Variants in COIL observed in about 807,000 individuals in gnomAD.
The protein encoded by COIL is coilin.
In COIL, 28 loss-of-function variants were observed where a neutral mutation model predicts 51.6. That is an observed-to-expected ratio of 0.54 (90% CI 0.40 to 0.74). COIL has a LOEUF of 0.74. COIL is among the 30% of genes least tolerant of loss of function. The pLI is 0.00. For synonymous variants in COIL, 233 were observed against 255.8 expected (o/e 0.91, Z 0.85); for missense variants, 667 against 685.9 (o/e 0.97, Z 0.31).
At chr17:56,939,231 T>C in intron 6 of COIL, 77 bp from the exon 7 acceptor site, 3 of 811,698 alleles carry the variant, frequency 3.7e-6, no homozygotes, top group Non-Finnish European at 6.4e-6. Context: ...ACGTAAATTT[T>C]CCGTCTGTGT....
rs531949042 is a variant in COIL at position 56,960,888 on chromosome 17, G to A, written c.132C>T (p.Leu44=). The A allele has an allele frequency of 1.7e-5, 27 of 1,614,096 alleles. No individual in the cohort carries two copies. Among genetic ancestry groups the A allele is most frequent in the Non-Finnish European group, 2.3e-5 (27 of 1,180,016 alleles). Residue 44 remains leucine, a synonymous_variant, in exon 1 of 7, where the codon CTC becomes CTT. Coordinates refer to ENST00000240316, the MANE Select transcript of COIL (RefSeq NM_004645.3). ...AACTGAAGCCGAAGCGCTGGCGGAT[G>A]AGACTAATGAGATCTGTGACGACTC... ...RCRVVTDLIS[L]IRQRFGFSSG...
intron 1 of COIL, among the ~76,000 whole-genome samples, chr17:56,951,235 A>G (rs1022676505): frequency 3.9e-5 from 6 of 152,230 alleles, no homozygotes; most frequent in African/African-American, 1.4e-4. Context: ...AAACATTTTT[A>G]ATACGTTTTT....
Position 56,950,735 on chromosome 17 carries a change from G to T in COIL, c.507C>A (p.Thr169=). 1 of 1,613,904 alleles carries T rather than the reference G, an allele frequency of 6.2e-7. No individual in the cohort carries two copies. The highest frequency in any genetic ancestry group is 8.5e-7 in the Non-Finnish European group (1 of 1,180,008). Residue 169 remains threonine (T), a synonymous_variant, in exon 2 of 7, where the codon ACC becomes ACA. Coordinates refer to ENST00000240316, the MANE Select transcript of COIL (RefSeq NM_004645.3). ...CGTTATCATCACCCACTGTGCCACA[G>T]GTTGCTTTATTTTTTCTCTTGTTTT... The part of the protein sequence containing the change: ...SKKNKRKNKA[T]CGTVGDDNEE...
Position 56,949,373 on chromosome 17 carries a change from A to G in COIL, c.1488+14T>C, listed in dbSNP as rs770269235. ...TAATACACTGACAACTTACTTTTAA[A>G]TAAACATCCTTACCTTGTAGTCAGA... On this transcript the variant is annotated intron_variant, in intron 4 of 6. Coordinates refer to ENST00000240316, the MANE Select transcript of COIL (RefSeq NM_004645.3). 11 of 1,578,476 alleles carry G rather than the reference A, an allele frequency of 7.0e-6. No homozygotes were observed. The highest frequency in any genetic ancestry group is 9.4e-6 in the Non-Finnish European group (11 of 1,169,198).
At position 56,960,832 on chromosome 17, in the gene COIL, C is replaced by T. The variant is rs1196373220; in HGVS notation, c.188G>A (p.Gly63Glu). The T allele has an allele frequency of 1.3e-5, 21 of 1,603,320 alleles. No individual in the cohort carries two copies. Among genetic ancestry groups the T allele is most frequent in the Non-Finnish European group, 1.7e-5 (20 of 1,175,676 alleles). The change falls in exon 1 of 7, where the codon GGG (glycine) becomes GAG (glutamate). Residue 63 changes from glycine (G) to glutamate (E), a missense_variant. Gly to Glu is a moderately conservative substitution (Grantham distance 98, BLOSUM62 -2). Coordinates refer to ENST00000240316, the MANE Select transcript of COIL (RefSeq NM_004645.3). ...SGAFLGLYLE[G>E]GLLPPAESAR... ...GCTCTCGGCGGGGGGCAAGAGCCCCCCCTCCAGGTAGAGGCCTAGGAAGGC... is the reference window on the plus strand; with the variant it reads ...GCTCTCGGCGGGGGGCAAGAGCCCCTCCTCCAGGTAGAGGCCTAGGAAGGC...
intron 1 of COIL, among the ~76,000 whole-genome samples, chr17:56,955,990 A>T (rs997214628): frequency 6.6e-6 from 1 of 152,242 alleles, no homozygotes; most frequent in Non-Finnish European, 1.5e-5. Context: ...GAGATAGCCC[A>T]TGATAGGTAA....
rs1284372833 is a variant in COIL at position 56,938,965 on chromosome 17, A to C, written c.*106T>G. 1 of 610,552 alleles carries C rather than the reference A, an allele frequency of 1.6e-6. No homozygotes were observed. The highest frequency in any genetic ancestry group is 2.9e-6 in the Non-Finnish European group (1 of 345,586). 37.8% of individuals were successfully genotyped at this position (610,552 alleles called of 1,614,324 possible). A position where few individuals can be genotyped will look rare whatever the true frequency, so the allele number is the denominator to read the frequency against. On this transcript the variant is annotated 3_prime_UTR_variant, in exon 7 of 7. Transcript: ENST00000240316. ...TATGCAGTAAAGTGAAGATAACAAA[A>C]AAATCCATACAACTTCCAAATCCTC...
intron 5 of COIL, among the ~76,000 whole-genome samples, chr17:56,944,160 T>C (rs1327631708): frequency 8.5e-5 from 13 of 152,122 alleles, no homozygotes; most frequent in Admixed American, 8.5e-4. Context: ...GAAGAAAAGT[T>C]CTAAGTGGAT....
rs755534079 is a variant in COIL, at chr17:56,939,092, T to C, written c.1710A>G (p.Thr570=). The change falls in exon 7 of 7, where the codon ACA becomes ACG. Residue 570 remains threonine, a synonymous_variant. Transcript: ENST00000240316. ...PRLIIESPSN[T]SSTEPA ...ATACTCAGGCAGGTTCTGTACTTGA[T>C]GTGTTACTTGGAGATTCAATAATCA... 1 of 1,590,982 alleles carries C rather than the reference T, an allele frequency of 6.3e-7. No individual in the cohort carries two copies. The highest frequency in any genetic ancestry group is 8.6e-7 in the Non-Finnish European group (1 of 1,159,084).
rs747455319 is a variant in COIL at position 56,950,537 on chromosome 17, A to G, written c.705T>C (p.Ser235=). ...GACTCTCTTTTGAGCAAACGCTTACACTACCTTTCCTTTTGGCTTTAACAA... is the reference window on the plus strand; with the variant it reads ...GACTCTCTTTTGAGCAAACGCTTACGCTACCTTTCCTTTTGGCTTTAACAA... The part of the protein sequence containing the change: ...NSLVKAKRKG[S]VSVCSKESPS... Residue 235 remains serine, a synonymous_variant, in exon 2 of 7, where the codon AGT becomes AGC. Transcript: ENST00000240316. The G allele has an allele frequency of 2.5e-6, 4 of 1,614,124 alleles. No homozygotes were observed. Among genetic ancestry groups the G allele is most frequent in the South Asian group, 1.1e-5 (1 of 91,090 alleles).
chr17:56,939,841 T>C (rs1910112460), intron 6 of COIL: 1 of 152,174 alleles, frequency 6.6e-6, no homozygotes, highest in South Asian at 2.1e-4. Context: ...GAGCAGGAGA[T>C]GCAGGGGTTG....
chr17:56,960,270 TCC>T (rs1910563089), intron 1 of COIL, among the ~76,000 whole-genome samples: 1 of 150,562 alleles, frequency 6.6e-6, no homozygotes, highest in Non-Finnish European at 1.5e-5. Flanking sequence ...ACGCCTGCAA[TCC>T]CAGCACTTTG....
At chr17:56,942,990 A>C (rs1241569226) in intron 5 of COIL, among the ~76,000 whole-genome samples, 2 of 152,252 alleles carry the variant, frequency 1.3e-5, no homozygotes, top group Non-Finnish European at 2.9e-5. Context: ...AAATAGTAAA[A>C]TAAATATATT....
intron 5 of COIL, among the ~76,000 whole-genome samples, chr17:56,944,813 C>T (rs1378051184): frequency 1.3e-5 from 2 of 149,738 alleles, no homozygotes; most frequent in South Asian, 4.2e-4. Context: ...GTCAGGAGAT[C>T]GAGACCATCC....
chr17:56,960,706 G>A, intron 1 of COIL, 69 bp downstream of exon 1: 3 of 1,296,050 alleles, frequency 2.3e-6, no homozygotes, highest in Non-Finnish European at 3.0e-6. Context: ...GCGGCTTCAG[G>A]CCCGGGCGTG....
At chr17:56,939,521 A>AGTC (rs1216762401) in intron 6 of COIL, among the ~76,000 whole-genome samples, 1 of 152,104 alleles carries the variant, frequency 6.6e-6, no homozygotes, top group East Asian at 1.9e-4. Context: ...AGGCCAAGGC[A>AGTC]GTCGGATCAT....
intron 1 of COIL, among the ~76,000 whole-genome samples, chr17:56,953,193 C>T (rs957768286): frequency 1.3e-4 from 19 of 151,852 alleles, no homozygotes; most frequent in Middle Eastern, 3.4e-3. Flanking sequence ...GGGTGGATCA[C>T]AAGGTCAGGA....
In COIL at chr17:56,950,110, C is replaced by G. The variant is rs762082560; in HGVS notation, c.1132G>C (p.Ala378Pro). The G allele has an allele frequency of 3.1e-6, 5 of 1,614,028 alleles. No homozygotes were observed. Among genetic ancestry groups the G allele is most frequent in the Non-Finnish European group, 4.2e-6 (5 of 1,180,024 alleles). ...GACACACTGGGAGAAGCACCAGGAG[C>G]CTGTCCACCACCATTTGAGCCAGAA... ...RRSGSNGGGQAPGASPSVSLP... is the reference protein window; with the variant it reads ...RRSGSNGGGQPPGASPSVSLP... The change falls in exon 2 of 7, where the codon GCT becomes CCT. Residue 378 changes from alanine to proline, a missense_variant. Coordinates refer to ENST00000240316, the MANE Select transcript of COIL (RefSeq NM_004645.3).
At chr17:56,948,969 A>G (rs1910303498) in intron 4 of COIL, among the ~76,000 whole-genome samples, 1 of 152,070 alleles carries the variant, frequency 6.6e-6, no homozygotes, top group Admixed American at 6.5e-5. Context: ...TAATTAGAAA[A>G]AAGTAACTAA....
Sources: allele counts gnomAD v4.1 joint callset (sites outside exome capture counted in the v4.1 genomes callset), GRCh38; gene constraint gnomAD v4.1.1; transcripts MANE v1.5; gene names NCBI Gene and HGNC (gene_info 2026-07-23, HGNC 2026-07-21).